Variants in GRHL1 observed in about 807,000 individuals in gnomAD.
GRHL1 encodes the protein grainyhead-like protein 1 homolog.
GRHL1 carries 38 observed loss-of-function variants against 75.7 expected under a neutral mutation model. The ratio of observed to expected loss-of-function variants is 0.50; its 90% CI spans 0.39 to 0.66. The LOEUF is 0.66. Among genes scored for constraint, GRHL1 ranks in the 30% least tolerant of loss-of-function variants. The pLI, the probability that GRHL1 is intolerant of heterozygous loss-of-function variation, is 0.00. For missense variants in GRHL1, 589 were observed against 767.5 expected, an observed-to-expected ratio of 0.77 and a Z score of 2.75; for synonymous variants, 266 against 279.4, an observed-to-expected ratio of 0.95 and a Z score of 0.48.
intron 8 of GRHL1, among the ~76,000 whole-genome samples, chr2:9,970,946 A>G (rs747704467): frequency 1.3e-5 from 2 of 152,140 alleles, no homozygotes; most frequent in Non-Finnish European, 2.9e-5. Context: ...GGAAACCGGT[A>G]TCTCTCTGTT....
intron 10 of GRHL1, among the ~76,000 whole-genome samples, chr2:9,991,741 CTTCTGTGGATATGCGTCTGTGTGTGT>C (rs1346719975): frequency 6.6e-6 from 1 of 152,238 alleles, no homozygotes; most frequent in Admixed American, 6.5e-5. Flanking sequence ...TGTCGCAAAT[CTTCTGTGGATATGCGTCTGTGTGTGT>C]TTGAAGATAC....
intron 5 of GRHL1, 42 bp from the exon 6 acceptor site, chr2:9,963,843 AC>A (rs1667377335): frequency 6.9e-7 from 1 of 1,441,398 alleles, no homozygotes; most frequent in South Asian, 1.2e-5. Context: ...GCAAGCTTCC[AC>A]GAGAGTAGAT....
intron 8 of GRHL1, among the ~76,000 whole-genome samples, chr2:9,971,717 G>A (rs1667733345): frequency 6.6e-6 from 1 of 152,314 alleles, no homozygotes; most frequent in East Asian, 1.9e-4. Flanking sequence ...ATAGTCTTTA[G>A]AGTTGTAGCT....
intron 8 of GRHL1, among the ~76,000 whole-genome samples, chr2:9,973,617 C>T (rs1667826242): frequency 6.6e-6 from 1 of 152,154 alleles, no homozygotes; most frequent in South Asian, 2.1e-4. Flanking sequence ...TTAGAATAAA[C>T]TACATTATGG....
chr2:9,960,239 GACC>G (rs1409377138), intron 3 of GRHL1: 2 of 152,166 alleles, frequency 1.3e-5, no homozygotes, highest in East Asian at 3.9e-4. Flanking sequence ...AGGAGTTCGA[GACC>G]AGCCTGGCCA....
Position 9,951,775 on chromosome 2 carries a change from G to A in GRHL1, c.-59G>A. 6.7e-7 allele frequency: 1 copy of A among 1,483,558 alleles called. No homozygotes were observed. Among genetic ancestry groups the A allele is most frequent in the South Asian group, 1.2e-5 (1 of 81,072 alleles). The allele number at this position is 1,483,558 out of a possible 1,614,324, so 91.9% of individuals were successfully genotyped here. On this transcript the variant is annotated 5_prime_UTR_variant, in exon 1 of 16. Transcript: ENST00000324907. This position sits in a 1 kb window ranked among gnomAD's most constrained non-coding sequence, Gnocchi z 4.2. ...GCCGCCGCCTCCTCCCCCCGGATCG[G>A]GTGTACTGTCCCAACCCGAAAGTCC...
At chr2:9,999,578 C>T (rs1049821939) in intron 15 of GRHL1, among the ~76,000 whole-genome samples, 4 of 152,242 alleles carry the variant, frequency 2.6e-5, no homozygotes, top group East Asian at 1.9e-4. Context: ...AGAGGCTTTT[C>T]GGGGCCATGG....
intron 1 of GRHL1, among the ~76,000 whole-genome samples, chr2:9,954,086 G>T (rs1469088451): frequency 6.6e-6 from 1 of 152,130 alleles, no homozygotes; most frequent in African/African-American, 2.4e-5. Context: ...GATCGCCATT[G>T]ATTTTTTTGG....
chr2:9,986,642 T>C (rs1258663838), intron 9 of GRHL1, among the ~76,000 whole-genome samples: 1 of 152,064 alleles, frequency 6.6e-6, no homozygotes, highest in East Asian at 1.9e-4. Context: ...GGTCTCCAAC[T>C]CCTGAGCTCA....
intron 8 of GRHL1, among the ~76,000 whole-genome samples, chr2:9,980,738 C>G (rs1410217229): frequency 1.3e-5 from 2 of 152,236 alleles, no homozygotes; most frequent in African/African-American, 2.4e-5. Context: ...TGTCAGAGAT[C>G]TTCACATCTT....
intron 2 of GRHL1, among the ~76,000 whole-genome samples, chr2:9,957,115 C>T (rs1259750740): frequency 6.6e-6 from 1 of 151,690 alleles, no homozygotes; most frequent in Non-Finnish European, 1.5e-5. Context: ...ATTCTCCTGC[C>T]TCAGCTTCCT....
intron 5 of GRHL1, among the ~76,000 whole-genome samples, 196 bp from the exon 6 acceptor site, chr2:9,963,690 A>G (rs1667367496): frequency 6.6e-6 from 1 of 152,224 alleles, no homozygotes; most frequent in Non-Finnish European, 1.5e-5. Flanking sequence ...GATTACTGAC[A>G]TCCATCACAT....
intron 8 of GRHL1, among the ~76,000 whole-genome samples, chr2:9,975,153 C>CT (rs1667894290): frequency 6.6e-6 from 1 of 152,230 alleles, no homozygotes; most frequent in Non-Finnish European, 1.5e-5. Context: ...GAAGCAACAG[C>CT]TGCAGACTTG....
At chr2:9,997,626 A>G (rs1407949794) in intron 14 of GRHL1, among the ~76,000 whole-genome samples, 1 of 152,042 alleles carries the variant, frequency 6.6e-6, no homozygotes, top group Admixed American at 6.5e-5. Context: ...GTTCGAGACC[A>G]GCCTGGCCAA....
chr2:9,980,170 T>TC (rs1001123885), intron 8 of GRHL1, among the ~76,000 whole-genome samples: 1 of 151,744 alleles, frequency 6.6e-6, no homozygotes, highest in Non-Finnish European at 1.5e-5. Context: ...GTTTGTTTTT[T>TC]TTTTGTCTTT....
chr2:9,961,678 C>T (rs141699066), intron 4 of GRHL1, among the ~76,000 whole-genome samples: 2,114 of 152,260 alleles, frequency 0.014, 41 homozygotes, highest in African/African-American at 0.042. Context: ...ATTATGATTT[C>T]AGCTAAGGGA....
At chr2:9,957,895 A>G (rs1283886537) in intron 2 of GRHL1, among the ~76,000 whole-genome samples, 1 of 152,232 alleles carries the variant, frequency 6.6e-6, no homozygotes, top group Non-Finnish European at 1.5e-5. Flanking sequence ...AAAGAACCAA[A>G]AAAGGAATAG....
intron 4 of GRHL1, 121 bp downstream of exon 4, chr2:9,961,557 ATTT>A: frequency 1.2e-6 from 1 of 853,954 alleles, no homozygotes; most frequent in Non-Finnish European, 1.7e-6. Context: ...GGAATAAAAG[ATTT>A]TTTTTTTAAG....
intron 1 of GRHL1, chr2:9,952,893 C>T (rs1558286082): frequency 2.5e-6 from 1 of 405,338 alleles, no homozygotes; most frequent in East Asian, 7.2e-5. Context: ...AAATGGATTA[C>T]TCTTATGTTG....
Sources: allele counts gnomAD v4.1 joint callset (sites outside exome capture counted in the v4.1 genomes callset), GRCh38; gene constraint gnomAD v4.1.1; non-coding constraint Gnocchi (gnomAD v3.1); transcripts MANE v1.5; gene names NCBI Gene and HGNC (gene_info 2026-07-23, HGNC 2026-07-21).